PLCB1: variants seen among roughly 807,000 people sequenced by gnomAD.
PLCB1 encodes phospholipase C beta 1.
Under a neutral mutation model 161.8 loss-of-function variants are expected in PLCB1, and 46 were observed. The ratio of observed to expected loss-of-function variants is 0.28; its 90% CI spans 0.22 to 0.36. The LOEUF (loss-of-function observed/expected upper bound fraction) is 0.36. Among genes scored for constraint, PLCB1 ranks in the 10% least tolerant of loss-of-function variants. PLCB1 has a pLI of 1.00. For missense variants in PLCB1, 1,016 were observed against 1,472.5 expected, an observed-to-expected ratio of 0.69 and a Z score of 5.07; for synonymous variants, 517 against 503.7, an observed-to-expected ratio of 1.03 and a Z score of -0.35.
chr20:8,480,458 G>T (rs1006886336), intron 3 of PLCB1, among the ~76,000 whole-genome samples: 6 of 151,968 alleles, frequency 3.9e-5, no homozygotes, highest in African/African-American at 1.5e-4. Flanking sequence ...ACTGAGAAAG[G>T]CATATTTATA....
intron 19 of PLCB1, among the ~76,000 whole-genome samples, chr20:8,735,382 T>C (rs767479092): frequency 4.6e-5 from 7 of 152,252 alleles, no homozygotes; most frequent in Non-Finnish European, 8.8e-5. Flanking sequence ...CTGCTGCTCC[T>C]GTCCAGAATG....
At chr20:8,292,859 T>C (rs938884001) in intron 2 of PLCB1, among the ~76,000 whole-genome samples, 12 of 152,192 alleles carry the variant, frequency 7.9e-5, no homozygotes, top group African/African-American at 2.4e-4. Flanking sequence ...AATTAACATA[T>C]GTAAAACTCC....
intron 2 of PLCB1, among the ~76,000 whole-genome samples, chr20:8,368,356 C>T (rs1027300249): frequency 1.7e-4 from 26 of 151,460 alleles, no homozygotes; most frequent in Admixed American, 1.4e-3. Flanking sequence ...AGCAAAATGC[C>T]GTATGTACTA....
chr20:8,338,637 C>T (rs1419669342), intron 2 of PLCB1, among the ~76,000 whole-genome samples: 1 of 152,120 alleles, frequency 6.6e-6, no homozygotes, highest in Non-Finnish European at 1.5e-5. Flanking sequence ...ATTAACGGTT[C>T]TTCTTTAAGA....
At chr20:8,278,522 GA>G in intron 2 of PLCB1, among the ~76,000 whole-genome samples, 1 of 151,462 alleles carries the variant, frequency 6.6e-6, no homozygotes, top group African/African-American at 2.4e-5. Flanking sequence ...AATGCACTGG[GA>G]AAAAAGTAGA....
chr20:8,314,633 C>T (rs943131051), intron 2 of PLCB1, among the ~76,000 whole-genome samples: 2 of 152,158 alleles, frequency 1.3e-5, no homozygotes, highest in East Asian at 1.9e-4. Context: ...ATACTCAAAA[C>T]GCTTAGCATT....
intron 3 of PLCB1, among the ~76,000 whole-genome samples, chr20:8,448,889 G>A (rs899477375): frequency 4.6e-5 from 7 of 152,144 alleles, no homozygotes; most frequent in Non-Finnish European, 1.0e-4. Flanking sequence ...CTCCTGAAAG[G>A]CAATGCACAG....
intron 8 of PLCB1, among the ~76,000 whole-genome samples, chr20:8,657,688 T>A (rs1028625714): frequency 1.3e-5 from 2 of 152,058 alleles, no homozygotes; most frequent in Non-Finnish European, 2.9e-5. Context: ...AAGAACCCTC[T>A]CAGCTGAAGA....
intron 31 of PLCB1, among the ~76,000 whole-genome samples, chr20:8,857,726 T>C (rs1987116293): frequency 1.3e-5 from 2 of 152,246 alleles, no homozygotes; most frequent in Admixed American, 1.3e-4. Flanking sequence ...TAGTTGATAT[T>C]AACGTCAGAC....
intron 3 of PLCB1, among the ~76,000 whole-genome samples, chr20:8,620,710 G>C (rs1988155610): frequency 7.1e-6 from 1 of 140,656 alleles, no homozygotes; most frequent in South Asian, 2.2e-4. Context: ...CTGCACTCCA[G>C]CCTGGGTGAC....
chr20:8,656,034 T>C (rs1989448758), intron 7 of PLCB1, among the ~76,000 whole-genome samples: 2 of 152,016 alleles, frequency 1.3e-5, no homozygotes, highest in Admixed American at 1.3e-4. Context: ...AATAAAACAA[T>C]TCACAAGAAG....
intron 3 of PLCB1, among the ~76,000 whole-genome samples, chr20:8,383,186 C>G (rs1040562137): frequency 6.6e-5 from 10 of 152,166 alleles, no homozygotes; most frequent in Non-Finnish European, 1.2e-4. Flanking sequence ...CTTTGTAGGT[C>G]TCTAAGAACA....
At chr20:8,710,495 G>C (rs1230408403) in intron 12 of PLCB1, among the ~76,000 whole-genome samples, 2 of 138,300 alleles carry the variant, frequency 1.4e-5, no homozygotes, top group Non-Finnish European at 3.1e-5. Context: ...GTTTCGACTT[G>C]AGGATGCTTT....
At chr20:8,659,955 G>T (rs1600231829) in intron 9 of PLCB1, among the ~76,000 whole-genome samples, 1 of 142,294 alleles carries the variant, frequency 7.0e-6, no homozygotes, top group East Asian at 2.1e-4. Flanking sequence ...TTACACCACT[G>T]CCCTCCAGCC....
At chr20:8,746,212 A>T (rs1159862846) in intron 23 of PLCB1, among the ~76,000 whole-genome samples, 1 of 152,190 alleles carries the variant, frequency 6.6e-6, no homozygotes, top group Non-Finnish European at 1.5e-5. Flanking sequence ...GATTACAGGT[A>T]TGAGCCACTG....
At chr20:8,222,816 T>C (rs750355775) in intron 2 of PLCB1, among the ~76,000 whole-genome samples, 6 of 152,180 alleles carry the variant, frequency 3.9e-5, no homozygotes, top group Non-Finnish European at 8.8e-5. Context: ...CAACCTTAAT[T>C]ACATCAGCCT....
At chr20:8,835,017 T>C (rs567457547) in intron 31 of PLCB1, among the ~76,000 whole-genome samples, 27 of 152,218 alleles carry the variant, frequency 1.8e-4, no homozygotes, top group Admixed American at 1.6e-3. Context: ...CTGATTTAAA[T>C]GCTAATCTCA....
chr20:8,722,130 T>A (rs1979673959), intron 14 of PLCB1, among the ~76,000 whole-genome samples: 2 of 144,030 alleles, frequency 1.4e-5, no homozygotes, highest in South Asian at 4.8e-4. Context: ...TTTGAAATTT[T>A]AAGTGCTATT....
At chr20:8,840,268 A>T (rs1600373192) in intron 31 of PLCB1, among the ~76,000 whole-genome samples, 1 of 152,294 alleles carries the variant, frequency 6.6e-6, no homozygotes, top group East Asian at 1.9e-4. Context: ...CGCCTCAGTC[A>T]GCCAATCTAG....
Sources: gnomAD v4.1 joint callset for allele counts (sites outside exome capture counted in the v4.1 genomes callset) on GRCh38, gnomAD v4.1.1 for gene constraint, MANE v1.5 for transcripts, NCBI Gene and HGNC (gene_info 2026-07-23, HGNC 2026-07-21) for gene names.